Variants in AGO3 observed in about 807,000 individuals in gnomAD.
The protein encoded by AGO3 is argonaute RISC catalytic component 3.
Under a neutral mutation model 105.5 loss-of-function variants are expected in AGO3, and 16 were observed. The ratio of observed to expected loss-of-function variants is 0.15; its 90% CI spans 0.10 to 0.23. The LOEUF (loss-of-function observed/expected upper bound fraction) is 0.23. Ranked by LOEUF, AGO3 falls within the 10% of genes least tolerant of loss-of-function variation. AGO3 has a pLI of 1.00. For missense variants in AGO3, 534 were observed against 1,088.0 expected, an observed-to-expected ratio of 0.49 and a Z score of 7.16; for synonymous variants, 340 against 367.3, an observed-to-expected ratio of 0.93 and a Z score of 0.85.
chr1:36,051,878 A>C (rs1557715835), intron 17 of AGO3, among the ~76,000 whole-genome samples: 1 of 152,238 alleles, frequency 6.6e-6, no homozygotes, highest in Non-Finnish European at 1.5e-5. Flanking sequence ...TTAAAATCAC[A>C]ATGAGATATC....
intron 1 of AGO3, among the ~76,000 whole-genome samples, chr1:35,944,637 A>G (rs1646327262): frequency 1.3e-5 from 2 of 149,072 alleles, no homozygotes. Flanking sequence ...AGTAGCTGGA[A>G]CTACAGGCCT....
At chr1:36,019,793 T>A (rs1641119101) in intron 11 of AGO3, among the ~76,000 whole-genome samples, 1 of 152,148 alleles carries the variant, frequency 6.6e-6, no homozygotes, top group African/African-American at 2.4e-5. Context: ...TTTTGAGACA[T>A]AGTCTCACTC....
At chr1:36,046,567 C>T (rs567633715) in intron 17 of AGO3, among the ~76,000 whole-genome samples, 32 of 135,518 alleles carry the variant, frequency 2.4e-4, no homozygotes, top group South Asian at 7.4e-4. Context: ...TCATGGCGCG[C>T]GCCTGTAGTC....
intron 17 of AGO3, among the ~76,000 whole-genome samples, chr1:36,052,993 C>A (rs72661662): frequency 0.071 from 10,768 of 152,162 alleles, 422 homozygotes; most frequent in South Asian, 0.2. Flanking sequence ...TCCTATATGA[C>A]TGGTTTATAT....
intron 5 of AGO3, among the ~76,000 whole-genome samples, chr1:35,997,547 A>G (rs752563509): frequency 1.3e-5 from 2 of 152,202 alleles, no homozygotes; most frequent in Non-Finnish European, 2.9e-5. Context: ...GTAGGCTCAT[A>G]TAAGTGTTCT....
chr1:35,974,264 T>A (rs1646918846), intron 5 of AGO3, among the ~76,000 whole-genome samples: 1 of 152,136 alleles, frequency 6.6e-6, no homozygotes, highest in Admixed American at 6.5e-5. Flanking sequence ...CTTTTTCTTG[T>A]TAGCTGGTTC....
intron 12 of AGO3, among the ~76,000 whole-genome samples, chr1:36,028,154 T>C (rs1641593096): frequency 6.6e-6 from 1 of 152,080 alleles, no homozygotes; most frequent in South Asian, 2.1e-4. Flanking sequence ...CAATCCTCCT[T>C]TCTCGGCCTC....
chr1:36,068,475 GCAATACAGCAAGA>G lies in AGO3; in HGVS notation c.*12732_*12744del, dbSNP rs1643121854. 6.6e-6 allele frequency: 1 copy of G among 152,064 alleles called. No individual in the cohort carries two copies. Among genetic ancestry groups the G allele is most frequent in the Non-Finnish European group, 1.5e-5 (1 of 68,012 alleles). The allele number at this position is 152,064 out of a possible 1,614,324, so 9.4% of individuals were successfully genotyped here. A position where few individuals can be genotyped will look rare whatever the true frequency, so the allele number is the denominator to read the frequency against. On this transcript the variant is annotated 3_prime_UTR_variant, in exon 19 of 19. Coordinates refer to ENST00000373191, the MANE Select transcript of AGO3 (RefSeq NM_024852.4). ...GCCCAGGAGTTTAAAGCAAGCCTGG[GCAATACAGCAAGA>G]CCCCAATCTTTAAAATAAATAAATA...
intron 17 of AGO3, among the ~76,000 whole-genome samples, chr1:36,047,378 CA>C (rs949467498): frequency 6.6e-6 from 1 of 150,972 alleles, no homozygotes; most frequent in African/African-American, 2.4e-5. Context: ...AGAGCTTCAA[CA>C]GCAGATTTGA....
At chr1:36,030,013 C>T (rs1176346233) in intron 12 of AGO3, among the ~76,000 whole-genome samples, 6 of 116,022 alleles carry the variant, frequency 5.2e-5, no homozygotes, top group African/African-American at 2.4e-4. Context: ...CTACATGTCA[C>T]GGATGTACTA....
intron 5 of AGO3, among the ~76,000 whole-genome samples, chr1:35,986,374 A>G (rs1647178973): frequency 6.6e-6 from 1 of 152,232 alleles, no homozygotes; most frequent in African/African-American, 2.4e-5. Flanking sequence ...CCAGATCTAT[A>G]TGTATCAATG....
At chr1:35,999,419 G>A (rs1639984705) in intron 5 of AGO3, among the ~76,000 whole-genome samples, 1 of 152,130 alleles carries the variant, frequency 6.6e-6, no homozygotes, top group Non-Finnish European at 1.5e-5. Flanking sequence ...TAAGTTCCAG[G>A]GGGAGAGAGG....
chr1:35,936,107 C>G (rs1405542561), intron 1 of AGO3, among the ~76,000 whole-genome samples: 1 of 152,110 alleles, frequency 6.6e-6, no homozygotes, highest in Non-Finnish European at 1.5e-5. Context: ...ATTAACAAAA[C>G]AGATGTGAGA....
chr1:35,965,509 GAAAA>G (rs1646757263), intron 2 of AGO3, among the ~76,000 whole-genome samples: 7 of 127,030 alleles, frequency 5.5e-5, no homozygotes, highest in South Asian at 5.1e-4. Context: ...AAAAAAAAAA[GAAAA>G]AGAAAGAAAC....
At chr1:35,945,605 A>T in intron 1 of AGO3, 87 bp from the exon 2 acceptor site, 1 of 1,324,912 alleles carries the variant, frequency 7.5e-7, no homozygotes, top group Admixed American at 2.2e-5. Flanking sequence ...TATCAGCTGT[A>T]CTTATAATTC....
chr1:36,006,146 A>T (rs376605864), intron 6 of AGO3, among the ~76,000 whole-genome samples: 1 of 151,430 alleles, frequency 6.6e-6, no homozygotes, highest in East Asian at 1.9e-4. Context: ...AAAGTACATC[A>T]TGTATTCCTA....
chr1:36,047,999 A>G (rs1361279699), intron 17 of AGO3, among the ~76,000 whole-genome samples: 1 of 152,218 alleles, frequency 6.6e-6, no homozygotes, highest in Non-Finnish European at 1.5e-5. Context: ...TTCCCAAGGA[A>G]CATTGTAGTC....
At chr1:35,950,929 ATAG>A (rs1265695537) in intron 2 of AGO3, among the ~76,000 whole-genome samples, 1 of 152,198 alleles carries the variant, frequency 6.6e-6, no homozygotes, top group East Asian at 1.9e-4. Context: ...GAATCTTAAA[ATAG>A]TAGTAGATTG....
intron 2 of AGO3, 150 bp from the exon 3 acceptor site, chr1:35,966,805 A>C: frequency 1.2e-6 from 1 of 859,426 alleles, no homozygotes; most frequent in Non-Finnish European, 1.7e-6. Context: ...TTGGTGTCTT[A>C]AGCCAAGATT....
Sources: allele counts gnomAD v4.1 joint callset (sites outside exome capture counted in the v4.1 genomes callset), GRCh38; gene constraint gnomAD v4.1.1; transcripts MANE v1.5; gene names NCBI Gene and HGNC (gene_info 2026-07-23, HGNC 2026-07-21).